The following SLC49A4 variants were observed in gnomAD, a reference collection of about 807,000 sequenced individuals.
SLC49A4 encodes the protein disrupted in renal cancer protein 2.
SLC49A4 carries 36 observed loss-of-function variants against 50.6 expected under a neutral mutation model. The observed-to-expected ratio is 0.71, with a 90% confidence interval of 0.55 to 0.94. SLC49A4 has a LOEUF of 0.94. Among genes scored for constraint, SLC49A4 ranks in the 40% least tolerant of loss-of-function variants. SLC49A4 has a pLI of 0.00. For synonymous variants in SLC49A4, 248 were observed against 241.2 expected (o/e 1.03, Z -0.26); for missense variants, 503 against 605.7 (o/e 0.83, Z 1.78).
rs1163315160 is a variant in SLC49A4 at position 122,860,255 on chromosome 3, G to A, written c.1138+53G>A. On this transcript the variant is annotated intron_variant, in intron 7 of 8. Transcript: ENST00000261038. ...AATAAATATTTTCATTCACAGAAGTGTACATAACTCTGACAGTAGGACTTC... is the reference window on the plus strand; with the variant it reads ...AATAAATATTTTCATTCACAGAAGTATACATAACTCTGACAGTAGGACTTC... 4.1e-6 allele frequency: 6 copies of A among 1,459,608 alleles called. 1 individual carries two copies. In the South Asian group the frequency reaches 5.9e-5, roughly 14 times the overall value. 90.4% of individuals were successfully genotyped at this position (1,459,608 alleles called of 1,614,324 possible). A position where few individuals can be genotyped will look rare whatever the true frequency, so the allele number is the denominator to read the frequency against.
At chr3:122,851,375 T>C (rs1304466185) in intron 5 of SLC49A4, among the ~76,000 whole-genome samples, 1 of 152,178 alleles carries the variant, frequency 6.6e-6, no homozygotes, top group African/African-American at 2.4e-5. Context: ...GTTGTTTTGG[T>C]CTAAAAATGT....
At chr3:122,818,949 C>G (rs755068724) in intron 2 of SLC49A4, among the ~76,000 whole-genome samples, 42 of 150,256 alleles carry the variant, frequency 2.8e-4, no homozygotes, top group Non-Finnish European at 5.5e-4. Context: ...TCTGTCCCCC[C>G]CAAAAAAAAA....
At chr3:122,878,393 G>A (rs192618334) in intron 8 of SLC49A4, among the ~76,000 whole-genome samples, 5 of 152,312 alleles carry the variant, frequency 3.3e-5, no homozygotes, top group Admixed American at 2.0e-4. Context: ...CTGGCAGATG[G>A]GATTGGGGTA....
At chr3:122,841,795 A>G (rs1292886062) in intron 4 of SLC49A4, among the ~76,000 whole-genome samples, 1 of 152,216 alleles carries the variant, frequency 6.6e-6, no homozygotes, top group Non-Finnish European at 1.5e-5. Context: ...TAATAAGGAT[A>G]CCTTCTTTTA....
rs1395004893 is a variant in SLC49A4 at position 122,879,623 on chromosome 3, G to T, written c.*245G>T. 2 of 340,732 alleles carry T rather than the reference G, an allele frequency of 5.9e-6. No individual in the cohort carries two copies. Among genetic ancestry groups the T allele is most frequent in the Admixed American group, 4.6e-5 (1 of 21,800 alleles). The allele number at this position is 340,732 out of a possible 1,614,324, so 21.1% of individuals were successfully genotyped here. The stretch of plus-strand genomic sequence containing the variant: ...CATACCTGTGCCTGCTTCTGGGGTT[G>T]GAAGTGTGACTTCTTACACATAAAG... On this transcript the variant is annotated 3_prime_UTR_variant, in exon 9 of 9. Coordinates refer to ENST00000261038, the MANE Select transcript of SLC49A4 (RefSeq NM_032839.3).
intron 5 of SLC49A4, among the ~76,000 whole-genome samples, chr3:122,854,255 T>C (rs1321109650): frequency 1.3e-5 from 2 of 152,250 alleles, no homozygotes; most frequent in African/African-American, 4.8e-5. Context: ...ATCCTTCTCC[T>C]GAGAGCCTTC....
intron 4 of SLC49A4, among the ~76,000 whole-genome samples, chr3:122,844,965 T>C (rs999850910): frequency 5.9e-5 from 9 of 152,154 alleles, no homozygotes; most frequent in Admixed American, 2.0e-4. Context: ...TATATACATA[T>C]ATATTTTTTA....
intron 7 of SLC49A4, among the ~76,000 whole-genome samples, chr3:122,869,594 T>C (rs1261430052): frequency 1.3e-5 from 2 of 152,106 alleles, no homozygotes; most frequent in African/African-American, 4.8e-5. Flanking sequence ...ATGGAATTGC[T>C]AGGTCAAAGA....
intron 1 of SLC49A4, among the ~76,000 whole-genome samples, chr3:122,797,938 T>C (rs1294531289): frequency 6.6e-6 from 1 of 152,114 alleles, no homozygotes. Flanking sequence ...CTATGATTGC[T>C]CCACTGCACT....
At chr3:122,807,958 T>C (rs1007602924) in intron 2 of SLC49A4, among the ~76,000 whole-genome samples, 8 of 152,120 alleles carry the variant, frequency 5.3e-5, no homozygotes, top group African/African-American at 1.9e-4. Context: ...ATATGTAGGC[T>C]TGATTATAAG....
chr3:122,843,924 C>T (rs1936814330), intron 4 of SLC49A4, among the ~76,000 whole-genome samples: 1 of 152,160 alleles, frequency 6.6e-6, no homozygotes, highest in Non-Finnish European at 1.5e-5. Context: ...GCTGTGTGTA[C>T]ACCTAGTTCT....
intron 3 of SLC49A4, 44 bp from the exon 4 acceptor site, chr3:122,833,273 T>C (rs566675485): frequency 4.3e-5 from 68 of 1,587,102 alleles, no homozygotes; most frequent in Non-Finnish European, 5.4e-5. Context: ...GTCTTCAACT[T>C]TTTGTGTTTC....
At chr3:122,871,583 C>T (rs935371442) in intron 7 of SLC49A4, among the ~76,000 whole-genome samples, 7 of 151,894 alleles carry the variant, frequency 4.6e-5, no homozygotes, top group Non-Finnish European at 7.4e-5. Context: ...ATATGATATA[C>T]TTATTAGGAT....
intron 4 of SLC49A4, among the ~76,000 whole-genome samples, chr3:122,840,813 T>TA (rs1424717709): frequency 6.6e-6 from 1 of 152,194 alleles, no homozygotes; most frequent in Non-Finnish European, 1.5e-5. Context: ...TATCCTAAGT[T>TA]AAAAATAAAT....
intron 6 of SLC49A4, 32 bp from the exon 7 acceptor site, chr3:122,860,043 C>A: frequency 1.3e-6 from 2 of 1,568,746 alleles, no homozygotes; most frequent in South Asian, 1.2e-5. Context: ...TTTTAAATCC[C>A]ACTAGAATTA....
At chr3:122,804,995 A>G (rs1936194321) in intron 1 of SLC49A4, among the ~76,000 whole-genome samples, 2 of 152,194 alleles carry the variant, frequency 1.3e-5, no homozygotes, top group Admixed American at 1.3e-4. Flanking sequence ...ATTAAAAACA[A>G]ACTCTTTAGA....
At chr3:122,809,012 A>G (rs1005140881) in intron 2 of SLC49A4, among the ~76,000 whole-genome samples, 1 of 152,066 alleles carries the variant, frequency 6.6e-6, no homozygotes, top group Non-Finnish European at 1.5e-5. Context: ...ATGGGAGGTG[A>G]TATGCTGGAA....
chr3:122,879,531 A>C lies in SLC49A4; in HGVS notation c.*153A>C, dbSNP rs1937307731. On this transcript the variant is annotated 3_prime_UTR_variant, in exon 9 of 9. Coordinates refer to ENST00000261038, the MANE Select transcript of SLC49A4 (RefSeq NM_032839.3). Reference sequence around the variant, plus strand: ...GGTTACAGATTATCACATTAATTTAATTACTACTAGGTAATAATAATGGGA... The same window carrying C: ...GGTTACAGATTATCACATTAATTTACTTACTACTAGGTAATAATAATGGGA... 3.3e-6 allele frequency: 2 copies of C among 610,776 alleles called. No homozygotes were observed. Among genetic ancestry groups the C allele is most frequent in the Non-Finnish European group, 5.7e-6 (2 of 348,830 alleles). The allele number at this position is 610,776 out of a possible 1,614,324, so 37.8% of individuals were successfully genotyped here.
intron 1 of SLC49A4, among the ~76,000 whole-genome samples, chr3:122,796,760 G>C (rs147118536): frequency 3.5e-4 from 53 of 152,288 alleles, no homozygotes; most frequent in African/African-American, 1.2e-3. Context: ...AGTGGCTCAA[G>C]TAATCCCAGC....
Sources: gnomAD v4.1 joint callset for allele counts (sites outside exome capture counted in the v4.1 genomes callset) on GRCh38, gnomAD v4.1.1 for gene constraint, MANE v1.5 for transcripts, NCBI Gene and HGNC (gene_info 2026-07-23, HGNC 2026-07-21) for gene names.